The following PDE10A variants were observed in gnomAD, a reference collection of about 807,000 sequenced individuals.
PDE10A encodes the protein cAMP and cAMP-inhibited cGMP 3',5'-cyclic phosphodiesterase 10A.
PDE10A carries 39 observed loss-of-function variants against 97.7 expected under a neutral mutation model. The observed-to-expected ratio is 0.40, with a 90% confidence interval of 0.31 to 0.52. PDE10A has a LOEUF of 0.52. Ranked by LOEUF, PDE10A falls within the 20% of genes least tolerant of loss-of-function variation. PDE10A has a pLI of 0.56. For synonymous variants in PDE10A, 371 were observed against 376.8 expected (o/e 0.98, Z 0.18); for missense variants, 731 against 1,047.8 (o/e 0.70, Z 4.17).
intron 18 of PDE10A, among the ~76,000 whole-genome samples, chr6:165,362,399 A>G (rs1783480014): frequency 6.6e-6 from 1 of 152,212 alleles, no homozygotes; most frequent in Non-Finnish European, 1.5e-5. Context: ...TCTTACAGAA[A>G]TAAAAAGGAT....
intron 2 of PDE10A, among the ~76,000 whole-genome samples, chr6:165,530,734 A>C (rs938427700): frequency 1.3e-5 from 2 of 152,234 alleles, no homozygotes; most frequent in Admixed American, 6.5e-5. Context: ...TAAAAATTTG[A>C]GCCACTGCAT....
At chr6:165,957,526 T>C (rs1784170840) in intron 1 of PDE10A, among the ~76,000 whole-genome samples, 1 of 152,088 alleles carries the variant, frequency 6.6e-6, no homozygotes. Context: ...ATATATATGA[T>C]TAATAATAAT....
rs1583141295 is a variant in PDE10A, at chr6:165,819,618, C to T, written c.-615+167911G>A. ...GTTGCCGGACACAGTCAGGCAGAGC[C>T]GGTTGCTCCTCCCCTGGTTTCCGTG... On this transcript the variant is annotated intron_variant, in intron 1 of 19. Coordinates refer to the PDE10A transcript ENST00000366882. This position sits in a 1 kb window ranked among gnomAD's most constrained non-coding sequence, Gnocchi z 4.2. 6.6e-6 allele frequency among the ~76,000 whole-genome samples: 1 copy of T among 152,172 alleles called. No individual in the cohort carries two copies. Among genetic ancestry groups the T allele is most frequent in the Non-Finnish European group, 1.5e-5 (1 of 68,038 alleles).
chr6:165,739,129 A>G (rs1358078563), intron 1 of PDE10A, among the ~76,000 whole-genome samples: 1 of 152,212 alleles, frequency 6.6e-6, no homozygotes, highest in Non-Finnish European at 1.5e-5. Flanking sequence ...ACAGAAATAG[A>G]ACAAAAAATC....
At chr6:165,980,160 C>G (rs1784970193) in intron 1 of PDE10A, among the ~76,000 whole-genome samples, 1 of 152,236 alleles carries the variant, frequency 6.6e-6, no homozygotes, top group Non-Finnish European at 1.5e-5. Context: ...CTATCCCACT[C>G]TTTTGAGAAA....
At chr6:165,906,010 T>TCCCTCCCTC (rs1562791932) in intron 1 of PDE10A, among the ~76,000 whole-genome samples, 1 of 35,400 alleles carries the variant, frequency 2.8e-5, no homozygotes, top group Non-Finnish European at 5.1e-5. Flanking sequence ...CTTCCTTCCT[T>TCCCTCCCTC]CCTTCCCTCC....
chr6:165,742,388 A>G (rs1259235162), intron 1 of PDE10A, among the ~76,000 whole-genome samples: 1 of 152,116 alleles, frequency 6.6e-6, no homozygotes, highest in African/African-American at 2.4e-5. Flanking sequence ...GGGCACTGCT[A>G]TGTACCCCAT....
intron 2 of PDE10A, among the ~76,000 whole-genome samples, chr6:165,500,126 TCAC>T (rs570061683): frequency 5.4e-4 from 83 of 152,330 alleles, no homozygotes; most frequent in African/African-American, 2.0e-3. Context: ...TTCAATATTC[TCAC>T]CACTCCTTTT....
intron 1 of PDE10A, among the ~76,000 whole-genome samples, chr6:165,587,099 A>G (rs1411890045): frequency 1.3e-5 from 2 of 152,282 alleles, no homozygotes; most frequent in East Asian, 1.9e-4. Context: ...GTGGAAAAGG[A>G]GAGAGTAGAA....
rs1562352782 is a variant in PDE10A, at chr6:165,331,434, A to G, written c.*1591T>C. On this transcript the variant is annotated 3_prime_UTR_variant, in exon 22 of 22. Transcript: ENST00000539869. The stretch of plus-strand genomic sequence containing the variant: ...GCCAACTTTGCTACAACATAAATAA[A>G]CCATGTTGTAGAAGCCTCTGATTTA... 2 of 152,352 alleles carry G rather than the reference A, an allele frequency of 1.3e-5. No homozygotes were observed. The highest frequency in any genetic ancestry group is 3.9e-4 in the East Asian group (2 of 5,188). 9.4% of individuals were successfully genotyped at this position (152,352 alleles called of 1,614,324 possible).
chr6:165,606,956 C>G (rs1787240518), intron 1 of PDE10A, among the ~76,000 whole-genome samples: 1 of 152,068 alleles, frequency 6.6e-6, no homozygotes, highest in Non-Finnish European at 1.5e-5. Flanking sequence ...CAACTTAGGG[C>G]TCTTCATATT....
At chr6:165,838,640 G>A (rs1334819120) in intron 1 of PDE10A, among the ~76,000 whole-genome samples, 1 of 152,108 alleles carries the variant, frequency 6.6e-6, no homozygotes, top group Non-Finnish European at 1.5e-5. Flanking sequence ...ATTTCTTCAG[G>A]GAATATTTTT....
intron 1 of PDE10A, among the ~76,000 whole-genome samples, chr6:165,801,954 C>A (rs996215969): frequency 6.6e-6 from 1 of 152,254 alleles, no homozygotes; most frequent in Non-Finnish European, 1.5e-5. Context: ...GGCACACAGA[C>A]AACAGGCAGC....
intron 1 of PDE10A, among the ~76,000 whole-genome samples, chr6:165,944,497 G>T (rs76812018): frequency 0.01 from 1,524 of 152,286 alleles, 11 homozygotes; most frequent in Non-Finnish European, 0.017. Context: ...TCTTTTCAAC[G>T]TGACGTCTTT....
At chr6:165,486,373 G>C (rs1366119903) in intron 2 of PDE10A, among the ~76,000 whole-genome samples, 2 of 152,142 alleles carry the variant, frequency 1.3e-5, no homozygotes, top group African/African-American at 4.8e-5. Flanking sequence ...ATGGCTTTCT[G>C]GTTTCACTAC....
chr6:165,347,917 G>T (rs1651794779), intron 18 of PDE10A, among the ~76,000 whole-genome samples: 1 of 152,214 alleles, frequency 6.6e-6, no homozygotes, highest in Non-Finnish European at 1.5e-5. Flanking sequence ...CAATAGCTAT[G>T]TAAAAATATA....
chr6:165,683,563 G>T (rs1791035241), intron 1 of PDE10A, among the ~76,000 whole-genome samples: 1 of 152,160 alleles, frequency 6.6e-6, no homozygotes, highest in Admixed American at 6.5e-5. Flanking sequence ...GGTCATTTTT[G>T]TTCCAAATAA....
At chr6:165,974,534 G>A (rs1274050454) in intron 1 of PDE10A, among the ~76,000 whole-genome samples, 3 of 152,222 alleles carry the variant, frequency 2.0e-5, no homozygotes, top group South Asian at 2.1e-4. Flanking sequence ...AGTGGAGAAT[G>A]GGAGTTCTGG....
chr6:165,339,823 A>C (rs919793150), intron 19 of PDE10A, among the ~76,000 whole-genome samples: 26 of 152,362 alleles, frequency 1.7e-4, no homozygotes, highest in African/African-American at 5.8e-4. Flanking sequence ...GCAGTACAAC[A>C]AACTACACAT....
Sources: gnomAD v4.1 joint callset for allele counts (sites outside exome capture counted in the v4.1 genomes callset) on GRCh38, gnomAD v4.1.1 for gene constraint, Gnocchi (gnomAD v3.1) non-coding constraint, MANE v1.5 for transcripts, NCBI Gene and HGNC (gene_info 2026-07-23, HGNC 2026-07-21) for gene names.